The following IQGAP1 variants were observed in gnomAD, a reference collection of about 807,000 sequenced individuals.
IQGAP1 encodes the protein IQ motif containing GTPase activating protein 1, also known as ras GTPase-activating-like protein IQGAP1.
A neutral mutation model predicts 215.6 loss-of-function variants in IQGAP1; 66 were observed. The ratio of observed to expected loss-of-function variants is 0.31; its 90% confidence interval spans 0.25 to 0.38. The LOEUF (loss-of-function observed/expected upper bound fraction) is 0.38, where lower values mean the gene tolerates loss of function less well. Ranked by LOEUF, IQGAP1 falls within the 10% of genes least tolerant of loss-of-function variation. The pLI is 1.00. For synonymous variants in IQGAP1, 772 were observed against 728.7 expected (o/e 1.06, Z -0.96); for missense variants, 1,712 against 1,997.1 (o/e 0.86, Z 2.72).
intron 37 of IQGAP1, 46 bp from the exon 38 acceptor site, chr15:90,499,949 T>C: frequency 9.1e-7 from 1 of 1,102,362 alleles, no homozygotes; most frequent in Non-Finnish European, 1.3e-6. Flanking sequence ...CAGACTTGAT[T>C]AACTGTCAAA....
intron 2 of IQGAP1, among the ~76,000 whole-genome samples, chr15:90,400,076 A>G (rs781706507): frequency 2.6e-5 from 4 of 152,100 alleles, no homozygotes; most frequent in Non-Finnish European, 4.4e-5. Flanking sequence ...AGGTATAAAC[A>G]TTTCCCCAGT....
chr15:90,493,570 C>A (rs1966235114), intron 35 of IQGAP1, among the ~76,000 whole-genome samples: 1 of 152,220 alleles, frequency 6.6e-6, no homozygotes, highest in Non-Finnish European at 1.5e-5. Flanking sequence ...GTTTTCAAAT[C>A]TCAGATCGAA....
rs919910935 is a variant in IQGAP1, at chr15:90,452,915, A to T, written c.1303A>T (p.Thr435Ser). The change falls in exon 12 of 38, where the codon ACC becomes TCC. Residue 435 changes from threonine to serine, a missense_variant. Transcript: ENST00000268182. ...CGATCTCTATCAGAAGGAGCTGGCT[A>T]CCCTGCAGCGACAAAGTCCTGAAGT... is the stretch of plus-strand genomic sequence containing the variant. The part of the protein sequence containing the change: ...AADLYQKELA[T>S]LQRQSPEHNL... 6.2e-7 allele frequency: 1 copy of T among 1,613,860 alleles called. No individual in the cohort carries two copies. Among genetic ancestry groups the T allele is most frequent in the African/African-American group, 1.3e-5 (1 of 74,916 alleles).
At chr15:90,476,934 G>A (rs1965988342) in intron 24 of IQGAP1, 116 bp downstream of exon 24, 3 of 1,321,292 alleles carry the variant, frequency 2.3e-6, no homozygotes, top group Non-Finnish European at 2.1e-6. Flanking sequence ...GGGTGAGTGA[G>A]GGGCACTGTA....
At chr15:90,486,719 G>A (rs1966132273) in intron 31 of IQGAP1, 1 of 490,422 alleles carries the variant, frequency 2.0e-6, no homozygotes, top group African/African-American at 2.0e-5. Context: ...AGAGAGAATT[G>A]TGATATTGTA....
At chr15:90,456,480 C>A (rs760059819) in intron 15 of IQGAP1, among the ~76,000 whole-genome samples, 165 bp downstream of exon 15, 27 of 152,146 alleles carry the variant, frequency 1.8e-4, no homozygotes, top group Non-Finnish European at 3.1e-4. Context: ...ATAGGCTCCA[C>A]CTACTAGGAG....
At chr15:90,436,397 C>G (rs1157587966) in intron 5 of IQGAP1, among the ~76,000 whole-genome samples, 2 of 152,100 alleles carry the variant, frequency 1.3e-5, no homozygotes, top group Non-Finnish European at 2.9e-5. Context: ...ATATCTGGCT[C>G]CAAGAATTTG....
chr15:90,391,248 A>G (rs1441909707), intron 2 of IQGAP1: 1 of 164,792 alleles, frequency 6.1e-6, no homozygotes, highest in African/African-American at 2.4e-5. Flanking sequence ...GGGGGGAAAA[A>G]AAAGAAAAGA....
chr15:90,484,070 C>G, intron 29 of IQGAP1, 150 bp from the exon 30 acceptor site: 1 of 699,138 alleles, frequency 1.4e-6, no homozygotes, highest in Non-Finnish European at 2.4e-6. Flanking sequence ...CCAAGGTTGT[C>G]AAGCACAGCA....
Position 90,388,413 on chromosome 15 carries a change from G to C in IQGAP1, c.55+17G>C, listed in dbSNP as rs1964582299. On this transcript the variant is annotated intron_variant, in intron 1 of 37. Coordinates refer to ENST00000268182, the MANE Select transcript of IQGAP1 (RefSeq NM_003870.4). The stretch of plus-strand genomic sequence containing the variant: ...ACTATGGCTGTGAGTGCGGGGCTCC[G>C]CGGCGCGGGGGCTTCGGGCTGGGCT... The C allele has an allele frequency of 6.4e-7, 1 of 1,566,040 alleles. No homozygotes were observed. The highest frequency in any genetic ancestry group is 1.4e-5 in the African/African-American group (1 of 70,470).
At chr15:90,397,888 C>CTTTTTTTTTTTTTTTTTT (rs763133807) in intron 2 of IQGAP1, 1 of 44,370 alleles carries the variant, frequency 2.3e-5, no homozygotes, top group African/African-American at 1.2e-4. Flanking sequence ...TTTTTTTTTT[C>CTTTTTTTTTTTTTTTTTT]TTTTTTTTTT....
intron 3 of IQGAP1, among the ~76,000 whole-genome samples, chr15:90,428,895 A>G (rs958645129): frequency 6.6e-6 from 1 of 152,180 alleles, no homozygotes; most frequent in African/African-American, 2.4e-5. Context: ...TCTGTCGCCT[A>G]GGCTGGAGTG....
At chr15:90,441,420 A>G (rs533542642) in intron 7 of IQGAP1, 86 bp from the exon 8 acceptor site, 1 of 1,156,026 alleles carries the variant, frequency 8.7e-7, no homozygotes, top group East Asian at 2.4e-5. Context: ...TGGGGGGTGC[A>G]ATGTTGCTTT....
chr15:90,396,731 A>G (rs1964725711), intron 2 of IQGAP1, among the ~76,000 whole-genome samples: 1 of 152,204 alleles, frequency 6.6e-6, no homozygotes, highest in Non-Finnish European at 1.5e-5. Flanking sequence ...TGTATTTATT[A>G]AAAGTGGTTG....
intron 2 of IQGAP1, 34 bp from the exon 3 acceptor site, chr15:90,426,075 CT>C: frequency 6.4e-7 from 1 of 1,571,502 alleles, no homozygotes; most frequent in Non-Finnish European, 8.6e-7. Flanking sequence ...CTGACCTTCC[CT>C]TTCTTTTTTT....
At chr15:90,438,389 T>A (rs886880289) in intron 5 of IQGAP1, among the ~76,000 whole-genome samples, 1 of 152,232 alleles carries the variant, frequency 6.6e-6, no homozygotes, top group African/African-American at 2.4e-5. Flanking sequence ...TAATATATGC[T>A]AGGCTCTGGG....
intron 2 of IQGAP1, chr15:90,397,866 T>TTTTTC (rs59170150): frequency 0.15 from 19,532 of 133,170 alleles, 1,631 homozygotes; most frequent in African/African-American, 0.24. Flanking sequence ...TATCCTGAAT[T>TTTTTC]TTTTCTTTTC....
chr15:90,407,507 T>C (rs749363659), intron 2 of IQGAP1, among the ~76,000 whole-genome samples: 1 of 152,212 alleles, frequency 6.6e-6, no homozygotes, highest in Non-Finnish European at 1.5e-5. Context: ...TAGTTTCTTA[T>C]ATAACAATAA....
chr15:90,465,701 G>A (rs201935600), intron 15 of IQGAP1, among the ~76,000 whole-genome samples: 2 of 125,576 alleles, frequency 1.6e-5, no homozygotes, highest in Non-Finnish European at 3.4e-5. Flanking sequence ...TTGTTTGTTT[G>A]TTTGTTTTTA....
Sources: gnomAD v4.1 joint callset for allele counts (sites outside exome capture counted in the v4.1 genomes callset) on GRCh38, gnomAD v4.1.1 for gene constraint, MANE v1.5 for transcripts, NCBI Gene and HGNC (gene_info 2026-07-23, HGNC 2026-07-21) for gene names.